The following FOXN3 variants were observed in gnomAD, a reference collection of about 807,000 sequenced individuals.
FOXN3 encodes forkhead box protein N3.
Under a neutral mutation model 38.4 loss-of-function variants are expected in FOXN3, and 7 were observed. The ratio of observed to expected loss-of-function variants is 0.18; its 90% confidence interval spans 0.10 to 0.34. The LOEUF (loss-of-function observed/expected upper bound fraction) is 0.34, where lower values mean the gene tolerates loss of function less well. Among genes scored for constraint, FOXN3 ranks in the 10% least tolerant of loss-of-function variants. The probability of loss-of-function intolerance (pLI) is 1.00; values close to 1 mark genes in which losing one functional copy is unlikely to be tolerated. For synonymous variants in FOXN3, 230 were observed against 242.2 expected (o/e 0.95, Z 0.47); for missense variants, 456 against 613.4 (o/e 0.74, Z 2.71).
chr14:89,521,631 TAAAG>T (rs1894320600), intron 1 of FOXN3, among the ~76,000 whole-genome samples: 1 of 152,006 alleles, frequency 6.6e-6, no homozygotes, highest in Admixed American at 6.6e-5. Context: ...TTTCCAAATT[TAAAG>T]AAATATATTT....
intron 1 of FOXN3, among the ~76,000 whole-genome samples, chr14:89,532,103 C>G (rs1350297183): frequency 2.0e-5 from 3 of 152,146 alleles, no homozygotes; most frequent in African/African-American, 7.2e-5. Flanking sequence ...GGTGGTAGAG[C>G]CCAGATGGCT....
chr14:89,232,796 G>A (rs1884857722), intron 4 of FOXN3, among the ~76,000 whole-genome samples: 1 of 152,128 alleles, frequency 6.6e-6, no homozygotes, highest in African/African-American at 2.4e-5. Context: ...CTGAGAGGCT[G>A]GTCTCAGCTA....
intron 4 of FOXN3, among the ~76,000 whole-genome samples, chr14:89,187,354 C>T (rs183057628): frequency 9.9e-5 from 15 of 152,268 alleles, no homozygotes; most frequent in Admixed American, 2.0e-4. Flanking sequence ...TGTTGCTCTC[C>T]GAAGCCACAC....
At chr14:89,556,359 C>T (rs1022664394) in intron 1 of FOXN3, among the ~76,000 whole-genome samples, 5 of 150,912 alleles carry the variant, frequency 3.3e-5, no homozygotes, top group African/African-American at 9.8e-5. Flanking sequence ...ACCAAAATCA[C>T]GCCATTGCAC....
intron 1 of FOXN3, among the ~76,000 whole-genome samples, chr14:89,459,862 G>C (rs1248880986): frequency 6.6e-6 from 1 of 152,178 alleles, no homozygotes; most frequent in Admixed American, 6.5e-5. Context: ...CCCAAGGCCA[G>C]ATGAACAACT....
intron 1 of FOXN3, among the ~76,000 whole-genome samples, chr14:89,560,354 C>T (rs945965639): frequency 1.3e-5 from 2 of 152,148 alleles, no homozygotes; most frequent in Admixed American, 6.5e-5. Context: ...GGCCAGGCTG[C>T]GGCCATGTAC....
At chr14:89,542,924 C>A (rs1237102898) in intron 1 of FOXN3, among the ~76,000 whole-genome samples, 1 of 152,178 alleles carries the variant, frequency 6.6e-6, no homozygotes, top group African/African-American at 2.4e-5. Context: ...GCACTACAAC[C>A]CAAAGCTATT....
chr14:89,193,960 T>C (rs1249493009), intron 4 of FOXN3, among the ~76,000 whole-genome samples: 2 of 152,216 alleles, frequency 1.3e-5, no homozygotes, highest in African/African-American at 4.8e-5. Flanking sequence ...TGAGCATCTT[T>C]TCATGTGCTT....
intron 3 of FOXN3, among the ~76,000 whole-genome samples, chr14:89,297,449 A>G (rs1887076932): frequency 6.6e-6 from 1 of 151,638 alleles, no homozygotes; most frequent in Admixed American, 6.6e-5. Context: ...AGTCCCAGCT[A>G]CTCAGGAGGC....
intron 1 of FOXN3, among the ~76,000 whole-genome samples, chr14:89,416,644 G>A (rs1277587095): frequency 6.6e-6 from 1 of 152,290 alleles, no homozygotes; most frequent in East Asian, 1.9e-4. Flanking sequence ...CGGAAACCGA[G>A]GCACCGGGAA....
intron 1 of FOXN3, among the ~76,000 whole-genome samples, chr14:89,432,449 A>G (rs1892179104): frequency 6.6e-6 from 1 of 151,998 alleles, no homozygotes; most frequent in South Asian, 2.1e-4. Flanking sequence ...ATAACAACAA[A>G]AGCTTCCTGC....
intron 1 of FOXN3, among the ~76,000 whole-genome samples, chr14:89,614,574 G>C (rs1228150591): frequency 6.6e-6 from 1 of 152,168 alleles, no homozygotes; most frequent in African/African-American, 2.4e-5. Flanking sequence ...TCGCTAAGAG[G>C]TTCCAGGGCT....
intron 1 of FOXN3, among the ~76,000 whole-genome samples, chr14:89,483,651 G>A (rs1396183303): frequency 2.0e-5 from 3 of 152,000 alleles, no homozygotes; most frequent in Admixed American, 1.3e-4. Flanking sequence ...CAGGTGATCC[G>A]CCTGCCTCGG....
At chr14:89,178,994 A>C (rs1407033012) in intron 5 of FOXN3, among the ~76,000 whole-genome samples, 2 of 152,232 alleles carry the variant, frequency 1.3e-5, no homozygotes, top group African/African-American at 4.8e-5. Flanking sequence ...GAGGCAACAC[A>C]GGAAAGATTT....
intron 1 of FOXN3, among the ~76,000 whole-genome samples, chr14:89,415,094 T>TA (rs1442851247): frequency 6.6e-6 from 1 of 152,210 alleles, no homozygotes; most frequent in Admixed American, 6.5e-5. Flanking sequence ...TTGTCTTTCT[T>TA]AAAGTTTCCT....
chr14:89,391,726 C>T (rs1242569231), intron 2 of FOXN3, among the ~76,000 whole-genome samples: 3 of 152,132 alleles, frequency 2.0e-5, no homozygotes, highest in Non-Finnish European at 4.4e-5. Flanking sequence ...GAACCCTGGC[C>T]GGGCGCGGTG....
intron 3 of FOXN3, among the ~76,000 whole-genome samples, chr14:89,295,701 C>A (rs1030087283): frequency 6.6e-6 from 1 of 151,964 alleles, no homozygotes; most frequent in Non-Finnish European, 1.5e-5. Flanking sequence ...AATACTCCCA[C>A]CTCAGCCTCC....
intron 1 of FOXN3, among the ~76,000 whole-genome samples, chr14:89,500,317 C>G (rs1459465211): frequency 2.0e-5 from 3 of 152,208 alleles, no homozygotes; most frequent in African/African-American, 7.2e-5. Context: ...CTCCTGTGAT[C>G]TTTGCACTGA....
intron 1 of FOXN3, among the ~76,000 whole-genome samples, chr14:89,555,882 G>GTGTGTGTGTGT (rs58769284): frequency 0.023 from 2,370 of 104,484 alleles, 216 homozygotes; most frequent in Non-Finnish European, 0.034. Context: ...TGTGTATGTG[G>GTGTGTGTGTGT]GGGTGTATGT....
Sources: allele counts gnomAD v4.1 joint callset (sites outside exome capture counted in the v4.1 genomes callset), GRCh38; gene constraint gnomAD v4.1.1; transcripts MANE v1.5; gene names NCBI Gene and HGNC (gene_info 2026-07-23, HGNC 2026-07-21).